Variants in FERMT2 observed in about 807,000 individuals in gnomAD.
The protein encoded by FERMT2 is FERM domain containing kindlin 2.
Under a neutral mutation model 82.7 loss-of-function variants are expected in FERMT2, and 15 were observed. That is an observed-to-expected ratio of 0.18 (90% CI 0.12 to 0.28). The LOEUF (loss-of-function observed/expected upper bound fraction) is 0.28, where lower values mean the gene tolerates loss of function less well. Among genes scored for constraint, FERMT2 ranks in the 10% least tolerant of loss-of-function variants. The probability of loss-of-function intolerance (pLI) is 1.00; values close to 1 mark genes in which losing one functional copy is unlikely to be tolerated. For synonymous variants in FERMT2, 274 were observed against 271.5 expected (o/e 1.01, Z -0.09); for missense variants, 645 against 809.4 (o/e 0.80, Z 2.46).
At chr14:52,862,824 T>G (rs1243271616) in intron 12 of FERMT2, 1 of 152,188 alleles carries the variant, frequency 6.6e-6, no homozygotes, top group Non-Finnish European at 1.5e-5. Flanking sequence ...CTCCTGTCAG[T>G]TAAAGATAAA....
At chr14:52,886,347 G>A (rs1401833759) in intron 4 of FERMT2, among the ~76,000 whole-genome samples, 1 of 151,974 alleles carries the variant, frequency 6.6e-6, no homozygotes, top group Middle Eastern at 3.4e-3. Flanking sequence ...ACACATACAT[G>A]TATTTTTTTA....
At chr14:52,896,128 A>G (rs1272591485) in intron 3 of FERMT2, among the ~76,000 whole-genome samples, 2 of 152,160 alleles carry the variant, frequency 1.3e-5, no homozygotes. Context: ...GAGACGGAAA[A>G]TTTTCAACTC....
At chr14:52,900,390 G>A (rs1384060770) in intron 3 of FERMT2, among the ~76,000 whole-genome samples, 1 of 111,124 alleles carries the variant, frequency 9.0e-6, no homozygotes, top group Admixed American at 9.3e-5. Context: ...AAAGCATGAG[G>A]GTGAGGGGAA....
chr14:52,916,560 A>G (rs768201025), intron 3 of FERMT2, among the ~76,000 whole-genome samples: 8 of 152,238 alleles, frequency 5.3e-5, no homozygotes, highest in Non-Finnish European at 1.0e-4. Context: ...GGCAGAGCAC[A>G]GAAGATTTTT....
At chr14:52,950,719 G>A in intron 1 of FERMT2, 142 bp from the exon 2 acceptor site, 5 of 766,496 alleles carry the variant, frequency 6.5e-6, no homozygotes, top group South Asian at 1.8e-5. Flanking sequence ...GGGCGGCGGC[G>A]GCCGGGGCTG....
At chr14:52,875,475 T>C in intron 7 of FERMT2, 118 bp from the exon 8 acceptor site, 1 of 670,590 alleles carries the variant, frequency 1.5e-6, no homozygotes, top group Non-Finnish European at 2.4e-6. Flanking sequence ...GACAGAAGCG[T>C]CTAGGAACTA....
At chr14:52,925,144 A>C (rs1281307448) in intron 2 of FERMT2, among the ~76,000 whole-genome samples, 2 of 152,222 alleles carry the variant, frequency 1.3e-5, no homozygotes, top group Non-Finnish European at 2.9e-5. Context: ...TACCTATTCT[A>C]TTCATTAGTA....
chr14:52,877,574 C>CTTTTTT (rs34676786), intron 7 of FERMT2, among the ~76,000 whole-genome samples: 2,459 of 66,988 alleles, frequency 0.037, 686 homozygotes, highest in African/African-American at 0.061. Context: ...GCTGTTCTTG[C>CTTTTTT]TTTTTTTTTT....
intron 3 of FERMT2, among the ~76,000 whole-genome samples, chr14:52,902,868 CAA>C (rs1252336097): frequency 0.043 from 236 of 5,514 alleles, no homozygotes; most frequent in African/African-American, 0.13. Flanking sequence ...GACTCCGTCT[CAA>C]AAAAAAAAAA....
chr14:52,906,982 C>A (rs968878296), intron 3 of FERMT2, among the ~76,000 whole-genome samples: 1 of 144,430 alleles, frequency 6.9e-6, no homozygotes, highest in Admixed American at 7.1e-5. Flanking sequence ...CTTCTCCCAG[C>A]TGCAGTGTCT....
At chr14:52,917,144 T>G (rs1309714320) in intron 3 of FERMT2, among the ~76,000 whole-genome samples, 5 of 152,174 alleles carry the variant, frequency 3.3e-5, no homozygotes, top group Non-Finnish European at 7.3e-5. Flanking sequence ...AAACAGCAAT[T>G]TTACTTCTAC....
chr14:52,885,137 A>C (rs1886520025), intron 4 of FERMT2, among the ~76,000 whole-genome samples: 1 of 151,764 alleles, frequency 6.6e-6, no homozygotes, highest in African/African-American at 2.4e-5. Context: ...ACATGGTGAA[A>C]CCCCGTCTCT....
chr14:52,921,327 C>T (rs150887326), intron 2 of FERMT2, among the ~76,000 whole-genome samples: 82 of 152,242 alleles, frequency 5.4e-4, no homozygotes, highest in East Asian at 1.3e-3. Flanking sequence ...TACTTGTGAT[C>T]GTATTACCAT....
chr14:52,900,370 T>TACATATAAA (rs11281196), intron 3 of FERMT2, among the ~76,000 whole-genome samples: 121,987 of 151,338 alleles, frequency 0.81, 49,362 homozygotes, highest in East Asian at 1. Context: ...ATAAATACTA[T>TACATATAAA]ACATATAAAA....
At chr14:52,872,325 G>A (rs1427208600) in intron 10 of FERMT2, 1 of 155,918 alleles carries the variant, frequency 6.4e-6, no homozygotes, top group Non-Finnish European at 1.4e-5. Flanking sequence ...GGAGGCTAAG[G>A]TGGGCAGATC....
intron 3 of FERMT2, among the ~76,000 whole-genome samples, chr14:52,908,348 A>G (rs1437544538): frequency 6.6e-6 from 1 of 152,196 alleles, no homozygotes; most frequent in Non-Finnish European, 1.5e-5. Context: ...TTGAGTAAAT[A>G]CCTATGTTCC....
At chr14:52,933,908 A>T (rs548644757) in intron 2 of FERMT2, among the ~76,000 whole-genome samples, 17 of 152,026 alleles carry the variant, frequency 1.1e-4, no homozygotes, top group African/African-American at 4.1e-4. Flanking sequence ...GGTGTTTCAG[A>T]TCTCCTTGAT....
intron 2 of FERMT2, among the ~76,000 whole-genome samples, chr14:52,943,847 A>C (rs1890203452): frequency 6.6e-6 from 1 of 152,190 alleles, no homozygotes; most frequent in African/African-American, 2.4e-5. Context: ...TAACAGGTAA[A>C]ATTTTACATA....
At chr14:52,924,686 C>G (rs1017515907) in intron 2 of FERMT2, among the ~76,000 whole-genome samples, 1 of 152,076 alleles carries the variant, frequency 6.6e-6, no homozygotes, top group Non-Finnish European at 1.5e-5. Context: ...ATAAGAAATA[C>G]AGAAAACTTT....
Sources: gnomAD v4.1 joint callset for allele counts (sites outside exome capture counted in the v4.1 genomes callset) on GRCh38, gnomAD v4.1.1 for gene constraint, MANE v1.5 for transcripts, NCBI Gene and HGNC (gene_info 2026-07-23, HGNC 2026-07-21) for gene names.